The following ARID1B variants were observed in gnomAD, a reference collection of about 807,000 sequenced individuals.
ARID1B encodes the protein AT-rich interactive domain-containing protein 1B.
Under a neutral mutation model 212.3 loss-of-function variants are expected in ARID1B, and 30 were observed. The ratio of observed to expected loss-of-function variants is 0.14; its 90% CI spans 0.11 to 0.19. The LOEUF is 0.19. Among genes scored for constraint, ARID1B ranks in the 10% least tolerant of loss-of-function variants. ARID1B has a pLI of 1.00. For synonymous variants in ARID1B, 1,402 were observed against 1,301.7 expected (o/e 1.08, Z -1.66); for missense variants, 2,891 against 3,204.0 (o/e 0.90, Z 2.36).
chr6:156,876,044 C>T (rs933087536), intron 2 of ARID1B, among the ~76,000 whole-genome samples: 2 of 151,286 alleles, frequency 1.3e-5, no homozygotes, highest in Middle Eastern at 3.2e-3. Context: ...TAAAATTTGT[C>T]TGCATACACT....
At chr6:157,171,569 C>G (rs1162438489) in intron 9 of ARID1B, among the ~76,000 whole-genome samples, 1 of 152,114 alleles carries the variant, frequency 6.6e-6, no homozygotes, top group African/African-American at 2.4e-5. Context: ...AGCTTCTGAT[C>G]CATTTAGTAA....
chr6:157,151,452 G>A (rs1042510981), intron 8 of ARID1B: 5 of 152,238 alleles, frequency 3.3e-5, no homozygotes, highest in Middle Eastern at 3.4e-3. Flanking sequence ...TTTCTCCAGC[G>A]AGTATCAGAA....
intron 3 of ARID1B, among the ~76,000 whole-genome samples, chr6:156,924,947 G>T (rs1424683257): frequency 1.3e-5 from 2 of 151,966 alleles, no homozygotes; most frequent in Non-Finnish European, 2.9e-5. Context: ...GATTATTTTA[G>T]GAAAATTAAT....
chr6:157,202,206 G>A (rs776451414), intron 18 of ARID1B, among the ~76,000 whole-genome samples: 4 of 152,164 alleles, frequency 2.6e-5, no homozygotes, highest in Non-Finnish European at 5.9e-5. Context: ...TCCTCTGTGG[G>A]ATGTTCTGAA....
At chr6:157,202,788 G>T (rs1324611319) in intron 18 of ARID1B, among the ~76,000 whole-genome samples, 1 of 150,722 alleles carries the variant, frequency 6.6e-6, no homozygotes, top group African/African-American at 2.4e-5. Context: ...ATGTGTGTGT[G>T]TGTATTTATA....
chr6:156,984,309 A>C (rs1777793083), intron 4 of ARID1B, among the ~76,000 whole-genome samples: 1 of 151,818 alleles, frequency 6.6e-6, no homozygotes, highest in South Asian at 2.1e-4. Flanking sequence ...TTCTCCTTGG[A>C]CCTCTTCACA....
intron 4 of ARID1B, chr6:156,939,079 T>G: frequency 6.6e-6 from 1 of 152,372 alleles, no homozygotes. Flanking sequence ...TACCTCTTAG[T>G]CGTACAGCAT....
At chr6:156,963,497 G>A (rs1283313574) in intron 4 of ARID1B, among the ~76,000 whole-genome samples, 1 of 152,116 alleles carries the variant, frequency 6.6e-6, no homozygotes, top group African/African-American at 2.4e-5. Context: ...TGATTGCATA[G>A]TATTCATATG....
chr6:157,002,828 T>C (rs1033722472), intron 4 of ARID1B, among the ~76,000 whole-genome samples: 2 of 152,190 alleles, frequency 1.3e-5, no homozygotes, highest in Non-Finnish European at 2.9e-5. Flanking sequence ...AAAATGCAAA[T>C]TGATAGACAG....
chr6:157,159,092 G>T (rs1015162796), intron 8 of ARID1B, among the ~76,000 whole-genome samples: 1 of 152,184 alleles, frequency 6.6e-6, no homozygotes, highest in African/African-American at 2.4e-5. Context: ...ACCCCCCTGT[G>T]GCTCTAATCC....
chr6:156,778,520 C>T lies in ARID1B; in HGVS notation c.840C>T (p.Gly280=). ...DAPPKMGEPA[G]GRYEHPGLGA... is the part of the protein sequence containing the mutation. ...CGCCCAAGATGGGGGAGCCGGCGGG[C>T]GGCCGCTACGAGCACCCGGGCTTGG... The change falls in exon 1 of 20, where the codon GGC becomes GGT. Residue 280 remains glycine, a synonymous_variant. Coordinates refer to ENST00000636930, the MANE Select transcript of ARID1B (RefSeq NM_001374828.1). The T allele has an allele frequency of 1.6e-6, 2 of 1,232,722 alleles. No homozygotes were observed. Among genetic ancestry groups the T allele is most frequent in the Non-Finnish European group, 1.0e-6 (1 of 990,910 alleles). The allele number at this position is 1,232,722 out of a possible 1,614,324, so 76.4% of individuals were successfully genotyped here. A position where few individuals can be genotyped will look rare whatever the true frequency, so the allele number is the denominator to read the frequency against.
intron 14 of ARID1B, 48 bp downstream of exon 14, chr6:157,189,828 C>G (rs750607131): frequency 3.1e-6 from 5 of 1,610,140 alleles, no homozygotes; most frequent in Admixed American, 1.7e-5. Flanking sequence ...ATTTGTTCAT[C>G]TTTTAGTTTT....
In ARID1B at chr6:157,206,421, GAGC is replaced by G; in HGVS notation, c.5654_5656del (p.Ser1885del). The G allele has an allele frequency of 6.2e-7, 1 of 1,614,178 alleles. No homozygotes were observed. The highest frequency in any genetic ancestry group is 8.5e-7 in the Non-Finnish European group (1 of 1,180,050). On this transcript the variant is annotated inframe_deletion, in exon 20 of 20. Coordinates refer to ENST00000636930, the MANE Select transcript of ARID1B (RefSeq NM_001374828.1). This position sits in a 1 kb window ranked among gnomAD's most constrained non-coding sequence, Gnocchi z 6.8. ...GCGAGAAGACAGAAAGCGATGAAAA[GAGC>G]AGCATCGCTCTGACTGCCCCGGACG...
At position 157,021,578 on chromosome 6, in the gene ARID1B, C is replaced by G. The variant is rs144349159; in HGVS notation, c.2248-63084C>G. On this transcript the variant is annotated intron_variant, in intron 4 of 19. Transcript: ENST00000636930. The stretch of plus-strand genomic sequence containing the variant: ...GACAGGGGGACGAAAACAACCGCGT[C>G]CTCAGCCTGACTGAACAGGCTCGGA... Among the ~76,000 whole-genome samples, 858 of 152,318 alleles carry G rather than the reference C, an allele frequency of 5.6e-3. 8 individuals carry two copies. The highest frequency in any genetic ancestry group is 0.02 in the African/African-American group (827 of 41,578).
At chr6:156,880,368 T>C (rs1179967317) in intron 2 of ARID1B, among the ~76,000 whole-genome samples, 1 of 152,208 alleles carries the variant, frequency 6.6e-6, no homozygotes, top group African/African-American at 2.4e-5. Flanking sequence ...GATGTAGTGT[T>C]TAAAGTGTCA....
intron 4 of ARID1B, among the ~76,000 whole-genome samples, chr6:157,018,185 A>G (rs929081812): frequency 6.7e-6 from 1 of 150,046 alleles, no homozygotes; most frequent in Non-Finnish European, 1.5e-5. Context: ...TTTAGTAGGA[A>G]AGAATGTCTA....
At position 157,210,510 on chromosome 6, in the gene ARID1B, C is replaced by T; in HGVS notation, c.*2619C>T. On this transcript the variant is annotated 3_prime_UTR_variant, in exon 20 of 20. Transcript: ENST00000636930. ...GCAACACAGTCTCTAGAGACTAATC[C>T]AGGAAGACTTTAGCCTCCTTTCCAT... is the stretch of plus-strand genomic sequence containing the variant. 4.3e-6 allele frequency: 1 copy of T among 232,454 alleles called. No homozygotes were observed. The highest frequency in any genetic ancestry group is 8.5e-6 in the Non-Finnish European group (1 of 117,650). 14.4% of individuals were successfully genotyped at this position (232,454 alleles called of 1,614,324 possible).
chr6:156,874,965 CA>C (rs1786426664), intron 2 of ARID1B, among the ~76,000 whole-genome samples: 1 of 152,166 alleles, frequency 6.6e-6, no homozygotes, highest in Non-Finnish European at 1.5e-5. Context: ...CGCTGTGGCA[CA>C]AAGTGGAATA....
rs748838689 is a variant in ARID1B at position 156,778,310 on chromosome 6, G to GCAGCAA, written c.639_644dup (p.Gln213_Gln214dup). On this transcript the variant is annotated inframe_insertion, in exon 1 of 20. Transcript: ENST00000636930. ...AGCAGCAACAGCAGCAGCAGCAGCAGCAGCAACAGCAACATCCCATTTCCA... is the reference window on the plus strand; with the variant it reads ...AGCAGCAACAGCAGCAGCAGCAGCAGCAGCAACAGCAACAGCAACATCCCATTTCCA... The GCAGCAA allele has an allele frequency of 5.3e-5, 82 of 1,545,142 alleles. 1 individual carries two copies. In the South Asian group the frequency reaches 6.1e-4, roughly 11 times the overall value.
Sources: allele counts gnomAD v4.1 joint callset (sites outside exome capture counted in the v4.1 genomes callset), GRCh38; gene constraint gnomAD v4.1.1; non-coding constraint Gnocchi (gnomAD v3.1); transcripts MANE v1.5; gene names NCBI Gene and HGNC (gene_info 2026-07-23, HGNC 2026-07-21).